VPS13B: variants seen among roughly 807,000 people sequenced by gnomAD.
VPS13B encodes intermembrane lipid transfer protein VPS13B.
In VPS13B, 285 loss-of-function variants were observed where a neutral mutation model predicts 426.4. The ratio of observed to expected loss-of-function variants is 0.67; its 90% CI spans 0.61 to 0.74. The LOEUF is 0.74. Ranked by LOEUF, VPS13B falls within the 30% of genes least tolerant of loss-of-function variation. The pLI, the probability that VPS13B is intolerant of heterozygous loss-of-function variation, is 0.00. For missense variants in VPS13B, 4,537 were observed against 4,782.6 expected, an observed-to-expected ratio of 0.95 and a Z score of 1.51; for synonymous variants, 1,676 against 1,676.4, an observed-to-expected ratio of 1.00 and a Z score of 0.01.
intron 31 of VPS13B, among the ~76,000 whole-genome samples, chr8:99,573,559 A>C (rs142696781): frequency 0.024 from 3,670 of 152,148 alleles, 72 homozygotes; most frequent in African/African-American, 0.061. Flanking sequence ...AAAAGGGAAT[A>C]CTTTCCCCAT....
intron 30 of VPS13B, among the ~76,000 whole-genome samples, chr8:99,534,142 T>G (rs1336560381): frequency 6.6e-6 from 1 of 152,176 alleles, no homozygotes; most frequent in Non-Finnish European, 1.5e-5. Flanking sequence ...GAAAATATTA[T>G]CGGCAGAGTT....
At chr8:99,286,391 C>T (rs1819446076) in intron 19 of VPS13B, among the ~76,000 whole-genome samples, 1 of 152,040 alleles carries the variant, frequency 6.6e-6, no homozygotes, top group Non-Finnish European at 1.5e-5. Flanking sequence ...TTATTTAACT[C>T]ATCATTAATG....
chr8:99,175,571 C>T (rs1417953999), intron 16 of VPS13B, among the ~76,000 whole-genome samples: 1 of 152,112 alleles, frequency 6.6e-6, no homozygotes, highest in East Asian at 1.9e-4. Context: ...TCCTTGAGCC[C>T]AAGAGTTCCA....
chr8:99,577,624 G>A lies in VPS13B; in HGVS notation c.5211G>A (p.Lys1737=). 1 of 1,613,562 alleles carries A rather than the reference G, an allele frequency of 6.2e-7. No homozygotes were observed. ...TGACTGGACTGGAACCATCAAACAA[G>A]GCTGCAGAGGTAACTGTTACCTGAT... is the stretch of plus-strand genomic sequence containing the variant. The part of the protein sequence containing the change: ...ANMTGLEPSN[K]AAEISKQEQK... Residue 1737 remains lysine (K), a synonymous_variant, in exon 33 of 62, where the codon AAG becomes AAA. Coordinates refer to ENST00000357162, the MANE Select transcript of VPS13B (RefSeq NM_152564.5).
At chr8:99,866,533 G>A (rs1481237891) in intron 58 of VPS13B, among the ~76,000 whole-genome samples, 2 of 152,206 alleles carry the variant, frequency 1.3e-5, no homozygotes, top group African/African-American at 2.4e-5. Flanking sequence ...ACTTTTGGGG[G>A]GCTGCCCAAA....
intron 20 of VPS13B, among the ~76,000 whole-genome samples, chr8:99,386,389 A>G (rs536203863): frequency 5.9e-5 from 9 of 152,340 alleles, no homozygotes; most frequent in Admixed American, 1.3e-4. Context: ...TGCAAACATC[A>G]TAGAGTGTAC....
chr8:99,401,212 A>G (rs1815021199), intron 21 of VPS13B, among the ~76,000 whole-genome samples: 1 of 152,188 alleles, frequency 6.6e-6, no homozygotes, highest in South Asian at 2.1e-4. Context: ...GTAAATTTTC[A>G]TCTTCCTTGT....
intron 54 of VPS13B, among the ~76,000 whole-genome samples, chr8:99,845,005 G>C (rs561670614): frequency 6.6e-6 from 1 of 152,244 alleles, no homozygotes; most frequent in South Asian, 2.1e-4. Flanking sequence ...GATTTATGAA[G>C]TTTATGATCT....
chr8:99,050,725 T>TCTAACTG (rs965606694), intron 3 of VPS13B, among the ~76,000 whole-genome samples: 3 of 152,228 alleles, frequency 2.0e-5, no homozygotes, highest in Admixed American at 1.3e-4. Flanking sequence ...TGAGTGCCAT[T>TCTAACTG]CTAACTGGTG....
chr8:99,384,295 G>T lies in VPS13B; in HGVS notation c.2912G>T (p.Arg971Leu). ...TGGCTCATCTATCAGCCTCAGAAAC[G>T]AACAAGTAGACATATGCAACAGGTA... The part of the protein sequence containing the change: ...YTWLIYQPQK[R>L]TSRHMQQQPV... The change falls in exon 20 of 62, where the codon CGA becomes CTA. Residue 971 changes from arginine to leucine, a missense_variant. This residue lies in a region of VPS13B where 4,311 missense variants were observed against 4,474.3 expected (regional missense o/e 0.96). Coordinates refer to ENST00000357162, the MANE Select transcript of VPS13B (RefSeq NM_152564.5). The T allele has an allele frequency of 6.2e-7, 1 of 1,613,606 alleles. No homozygotes were observed. Among genetic ancestry groups the T allele is most frequent in the Non-Finnish European group, 8.5e-7 (1 of 1,179,734 alleles).
chr8:99,872,133 TAA>T (rs920546895), intron 61 of VPS13B, among the ~76,000 whole-genome samples: 14 of 152,242 alleles, frequency 9.2e-5, no homozygotes, highest in African/African-American at 2.4e-4. Flanking sequence ...TCTGAAAGCC[TAA>T]AGTCAGGTCC....
chr8:99,121,818 C>T lies in VPS13B; in HGVS notation c.1206+373C>T, dbSNP rs182431172. The T allele has an allele frequency of 5.6e-3, 936 of 166,426 alleles. 8 individuals are homozygous for T. The highest frequency in any genetic ancestry group is 0.021 in the African/African-American group (867 of 40,908). The allele number at this position is 166,426 out of a possible 1,614,324, so 10.3% of individuals were successfully genotyped here. ...ACGGTTTCCTTTCTGTGCTCTCCTTCGTAACAATCATAACAATCTCTCTCT... is the reference window on the plus strand; with the variant it reads ...ACGGTTTCCTTTCTGTGCTCTCCTTTGTAACAATCATAACAATCTCTCTCT... On this transcript the variant is annotated intron_variant, in intron 8 of 61. Transcript: ENST00000357162.
At chr8:99,605,995 A>C (rs954301431) in intron 33 of VPS13B, among the ~76,000 whole-genome samples, 2 of 152,112 alleles carry the variant, frequency 1.3e-5, no homozygotes, top group African/African-American at 4.8e-5. Flanking sequence ...TCCCAGATTC[A>C]AGGGATCCTC....
intron 17 of VPS13B, among the ~76,000 whole-genome samples, chr8:99,262,079 T>A (rs1160421372): frequency 1.3e-5 from 2 of 152,180 alleles, no homozygotes; most frequent in Admixed American, 6.5e-5. Flanking sequence ...ATTTCTGAGA[T>A]GCAAGTGGGG....
chr8:99,806,562 T>A (rs921347058), intron 43 of VPS13B, among the ~76,000 whole-genome samples: 69 of 152,222 alleles, frequency 4.5e-4, no homozygotes, highest in African/African-American at 1.5e-3. Context: ...AGAACATATC[T>A]CTTCCTCTAT....
intron 33 of VPS13B, 97 bp downstream of exon 33, chr8:99,577,730 AT>A: frequency 7.0e-7 from 1 of 1,437,842 alleles, no homozygotes; most frequent in Non-Finnish European, 9.7e-7. Flanking sequence ...TTTCTGCTTA[AT>A]TATTCTGTGT....
At chr8:99,765,254 A>G (rs1811157592) in intron 39 of VPS13B, among the ~76,000 whole-genome samples, 1 of 152,154 alleles carries the variant, frequency 6.6e-6, no homozygotes, top group Non-Finnish European at 1.5e-5. Context: ...ATAAAAGAAA[A>G]GTTGTTTTTT....
At chr8:99,867,329 T>A (rs1817159093) in intron 58 of VPS13B, among the ~76,000 whole-genome samples, 1 of 152,202 alleles carries the variant, frequency 6.6e-6, no homozygotes, top group Admixed American at 6.5e-5. Context: ...AGGGGCCGTA[T>A]CCACAGGACT....
At chr8:99,476,250 G>C (rs949631565) in intron 24 of VPS13B, among the ~76,000 whole-genome samples, 2 of 152,104 alleles carry the variant, frequency 1.3e-5, no homozygotes, top group Non-Finnish European at 2.9e-5. Context: ...GACTTGGAGA[G>C]GGATTAATAC....
Sources: gnomAD v4.1 joint callset for allele counts (sites outside exome capture counted in the v4.1 genomes callset) on GRCh38, gnomAD v4.1.1 for gene constraint, gnomAD v4.1.1 regional missense constraint, MANE v1.5 for transcripts, NCBI Gene and HGNC (gene_info 2026-07-23, HGNC 2026-07-21) for gene names.